The following TXNRD2 variants were observed in gnomAD, a reference collection of about 807,000 sequenced individuals.
TXNRD2 encodes thioredoxin reductase 2.
Under a neutral mutation model 70.8 loss-of-function variants are expected in TXNRD2, and 67 were observed. The ratio of observed to expected loss-of-function variants is 0.95; its 90% CI spans 0.78 to 1.16. The LOEUF (loss-of-function observed/expected upper bound fraction) is 1.16. Ranked by LOEUF, TXNRD2 falls within the 50% of genes most tolerant of loss-of-function variation. TXNRD2 has a pLI of 0.00. For missense variants in TXNRD2, 644 were observed against 719.9 expected, an observed-to-expected ratio of 0.89 and a Z score of 1.21; for synonymous variants, 301 against 295.8, an observed-to-expected ratio of 1.02 and a Z score of -0.18.
At chr22:19,889,052 T>A (rs1939152543) in intron 11 of TXNRD2, among the ~76,000 whole-genome samples, 1 of 152,056 alleles carries the variant, frequency 6.6e-6, no homozygotes, top group Admixed American at 6.5e-5. Context: ...CAATGGGACC[T>A]GATTGGCCAC....
intron 8 of TXNRD2, 122 bp downstream of exon 8, chr22:19,911,255 T>C (rs1436245376): frequency 1.2e-6 from 1 of 835,324 alleles, no homozygotes; most frequent in Non-Finnish European, 2.0e-6. Context: ...AGGCCTTTTT[T>C]CCTTCTTTTG....
At chr22:19,903,951 A>C (rs935646210) in intron 8 of TXNRD2, among the ~76,000 whole-genome samples, 1 of 152,214 alleles carries the variant, frequency 6.6e-6, no homozygotes, top group Non-Finnish European at 1.5e-5. Flanking sequence ...CCTCCCCAGA[A>C]ACCTCCTCTC....
At chr22:19,896,421 T>C (rs2145972522) in intron 10 of TXNRD2, among the ~76,000 whole-genome samples, 1 of 152,286 alleles carries the variant, frequency 6.6e-6, no homozygotes, top group African/African-American at 2.4e-5. Flanking sequence ...GAAGCGTGCC[T>C]TCCCCCAGGA....
chr22:19,912,173 TC>T (rs1188481451), intron 7 of TXNRD2, among the ~76,000 whole-genome samples: 1 of 151,946 alleles, frequency 6.6e-6, no homozygotes, highest in Non-Finnish European at 1.5e-5. Flanking sequence ...AGGGTGAACG[TC>T]CCCTTAGCGG....
intron 2 of TXNRD2, among the ~76,000 whole-genome samples, chr22:19,925,015 T>G (rs565811044): frequency 4.2e-4 from 62 of 148,138 alleles, no homozygotes; most frequent in Non-Finnish European, 6.1e-4. Context: ...CCAGGCATGG[T>G]GGCTCACGCC....
chr22:19,941,640 C>T (rs887676668), intron 1 of TXNRD2, 61 bp downstream of exon 1: 6 of 1,399,562 alleles, frequency 4.3e-6, no homozygotes, highest in Non-Finnish European at 5.5e-6. Flanking sequence ...CGCGGACACC[C>T]TCACGAGGAC....
chr22:19,934,382 G>GAAAA lies in TXNRD2; in HGVS notation c.104-3288_104-3285dup, dbSNP rs35669821. ...GTTAACAGAGTGAGACTCTGTCTCA[G>GAAAA]AAAAAAAAAAAAAAAAAAACTGCAC... On this transcript the variant is annotated intron_variant, in intron 1 of 17. Coordinates refer to ENST00000400521, the MANE Select transcript of TXNRD2 (RefSeq NM_006440.5). 4.3e-4 allele frequency among the ~76,000 whole-genome samples: 40 copies of GAAAA among 93,748 alleles called. 1 individual carries two copies. The highest frequency in any genetic ancestry group is 8.1e-4 in the African/African-American group (20 of 24,628). The allele number at this position is 93,748 out of a possible 152,430, so 61.5% of individuals were successfully genotyped here. A position where few individuals can be genotyped will look rare whatever the true frequency, so the allele number is the denominator to read the frequency against.
rs551684750 is a variant in TXNRD2, at chr22:19,917,965, C to A, written c.449+178G>T. ...TCTGCTCAGCAGCAAAGGGCAGTCT[C>A]CCCTTCCCCTACAGTCACTCCCATC... On this transcript the variant is annotated intron_variant, in intron 5 of 17. Coordinates refer to ENST00000400521, the MANE Select transcript of TXNRD2 (RefSeq NM_006440.5). 2.2e-4 allele frequency among the ~76,000 whole-genome samples: 33 copies of A among 152,334 alleles called. No homozygotes were observed. The South Asian group carries it at 5.8e-3, about 27-fold the overall frequency.
chr22:19,906,600 C>T (rs898612713), intron 8 of TXNRD2, among the ~76,000 whole-genome samples: 11 of 151,940 alleles, frequency 7.2e-5, no homozygotes, highest in African/African-American at 2.7e-4. Flanking sequence ...CCAGCCTGGG[C>T]GACAGAGCAA....
At chr22:19,927,668 A>AAG (rs1555914678) in intron 2 of TXNRD2, among the ~76,000 whole-genome samples, 4 of 148,144 alleles carry the variant, frequency 2.7e-5, no homozygotes, top group Non-Finnish European at 5.9e-5. Context: ...AAAAAAAAAA[A>AAG]AAAGAAAAGA....
chr22:19,890,086 G>A (rs1939200458), intron 11 of TXNRD2, among the ~76,000 whole-genome samples: 1 of 152,196 alleles, frequency 6.6e-6, no homozygotes. Context: ...CCAGGCTGGT[G>A]GGTAAGCACA....
intron 5 of TXNRD2, 80 bp from the exon 6 acceptor site, chr22:19,915,923 A>G (rs1569099232): frequency 7.6e-7 from 1 of 1,313,256 alleles, no homozygotes; most frequent in South Asian, 1.2e-5. Flanking sequence ...GAACACTGGT[A>G]AAAGGGAGCT....
intron 2 of TXNRD2, among the ~76,000 whole-genome samples, chr22:19,921,482 A>C (rs1467909414): frequency 6.6e-6 from 1 of 151,798 alleles, no homozygotes; most frequent in Non-Finnish European, 1.5e-5. Flanking sequence ...ATGGAGCAGC[A>C]GGGCCCAGAT....
intron 1 of TXNRD2, chr22:19,932,628 G>C: frequency 1.4e-6 from 2 of 1,388,688 alleles, no homozygotes; most frequent in Non-Finnish European, 1.9e-6. Flanking sequence ...CAGTCTGCTG[G>C]GGTGAGGGCA....
chr22:19,911,531 G>A, intron 7 of TXNRD2, 84 bp from the exon 8 acceptor site: 1 of 1,030,570 alleles, frequency 9.7e-7, no homozygotes. Context: ...CAGCTTTGCA[G>A]AATCAAGCAG....
chr22:19,926,150 C>T (rs1428691682), intron 2 of TXNRD2, among the ~76,000 whole-genome samples: 9 of 132,178 alleles, frequency 6.8e-5, no homozygotes, highest in African/African-American at 1.4e-4. Context: ...GCAACAAGAG[C>T]GAAACTCCGT....
At chr22:19,900,013 G>A (rs1223438667) in intron 8 of TXNRD2, among the ~76,000 whole-genome samples, 1 of 152,234 alleles carries the variant, frequency 6.6e-6, no homozygotes, top group Admixed American at 6.5e-5. Flanking sequence ...AATCCCAGCA[G>A]GTACTAATGA....
intron 11 of TXNRD2, among the ~76,000 whole-genome samples, chr22:19,893,721 G>A (rs930045717): frequency 1.3e-5 from 2 of 152,234 alleles, no homozygotes; most frequent in African/African-American, 4.8e-5. Flanking sequence ...CCAGCAAGTT[G>A]TAGCCAGCCC....
At chr22:19,920,502 G>C in intron 2 of TXNRD2, among the ~76,000 whole-genome samples, 1 of 152,036 alleles carries the variant, frequency 6.6e-6, no homozygotes, top group Non-Finnish European at 1.5e-5. Context: ...AGAATCGTTT[G>C]AGCCCAAGAG....
Sources: allele counts gnomAD v4.1 joint callset (sites outside exome capture counted in the v4.1 genomes callset), GRCh38; gene constraint gnomAD v4.1.1; transcripts MANE v1.5; gene names NCBI Gene and HGNC (gene_info 2026-07-23, HGNC 2026-07-21).